Variants in AP3S2 observed in about 807,000 individuals in gnomAD.
AP3S2 encodes the protein AP-3 complex subunit sigma-2.
Under a neutral mutation model 23.4 loss-of-function variants are expected in AP3S2, and 22 were observed. The ratio of observed to expected loss-of-function variants is 0.94; its 90% confidence interval spans 0.67 to 1.34. AP3S2 has a LOEUF of 1.34. Ranked by LOEUF, AP3S2 falls within the 40% of genes most tolerant of loss-of-function variation. AP3S2 has a pLI of 0.00. For synonymous variants in AP3S2, 86 were observed against 87.1 expected (o/e 0.99, Z 0.07); for missense variants, 241 against 236.9 (o/e 1.02, Z -0.11).
intron 4 of AP3S2, among the ~76,000 whole-genome samples, chr15:89,855,144 A>T (rs1447917874): frequency 8.1e-6 from 1 of 123,060 alleles, no homozygotes; most frequent in Non-Finnish European, 1.7e-5. Context: ...GTGTAGAAAG[A>T]AGTAGACATG....
At chr15:89,893,514 C>T (rs562725206) in intron 1 of AP3S2, 1 of 400,246 alleles carries the variant, frequency 2.5e-6, no homozygotes, top group Non-Finnish European at 4.4e-6. Context: ...ATTTCTTCCT[C>T]ATGAAACTGT....
intron 4 of AP3S2, among the ~76,000 whole-genome samples, chr15:89,847,072 C>G (rs1464716051): frequency 6.6e-6 from 1 of 152,028 alleles, no homozygotes; most frequent in Non-Finnish European, 1.5e-5. Context: ...CAAAGTTAAC[C>G]TCTGCAGACA....
chr15:89,877,105 T>G, intron 3 of AP3S2: 1 of 356,836 alleles, frequency 2.8e-6, no homozygotes, highest in Non-Finnish European at 5.5e-6. Flanking sequence ...AATTAGTGGG[T>G]ATTAAGAGTG....
In AP3S2 at chr15:89,850,580, T is replaced by C. The variant is rs528957071; in HGVS notation, c.346-12858A>G. 5.2e-5 allele frequency: 8 copies of C among 153,110 alleles called. 1 individual carries two copies. Among genetic ancestry groups the C allele is most frequent in the Non-Finnish European group, 8.8e-5 (6 of 68,044 alleles). 9.5% of individuals were successfully genotyped at this position (153,110 alleles called of 1,614,324 possible). A position where few individuals can be genotyped will look rare whatever the true frequency, so the allele number is the denominator to read the frequency against. ...AGTAGAATTGAGGGCATATTCGTAC[T>C]GTATTTAGAATTTTTCATTTCCTTT... On this transcript the variant is annotated intron_variant, in intron 4 of 5. Coordinates refer to ENST00000336418, the MANE Select transcript of AP3S2 (RefSeq NM_005829.5).
intron 4 of AP3S2, among the ~76,000 whole-genome samples, chr15:89,867,478 C>G (rs1896163511): frequency 1.4e-5 from 2 of 147,458 alleles, no homozygotes; most frequent in Admixed American, 6.7e-5. Context: ...CGCCCATCGT[C>G]TGGGATGTGA....
intron 4 of AP3S2, among the ~76,000 whole-genome samples, chr15:89,843,265 T>A (rs886277140): frequency 1.3e-5 from 2 of 151,038 alleles, no homozygotes; most frequent in Admixed American, 1.3e-4. Context: ...ATTACAAGCA[T>A]GAGCCACTAC....
At position 89,835,123 on chromosome 15, in the gene AP3S2, GA is replaced by G. The variant is rs1470541116; in HGVS notation, c.*391del. 1 of 250,632 alleles carries G rather than the reference GA, an allele frequency of 4.0e-6. No homozygotes were observed. Among genetic ancestry groups the G allele is most frequent in the Non-Finnish European group, 7.6e-6 (1 of 132,322 alleles). The allele number at this position is 250,632 out of a possible 1,614,324, so 15.5% of individuals were successfully genotyped here. A position where few individuals can be genotyped will look rare whatever the true frequency, so the allele number is the denominator to read the frequency against. On this transcript the variant is annotated 3_prime_UTR_variant, in exon 6 of 6. Transcript: ENST00000336418. ...GCTAAGGATGAAGACTCTACTCAGA[GA>G]AGGTGCTCAGCCCTAGTGAGGAGGT...
chr15:89,867,735 C>T (rs1411018192), intron 4 of AP3S2, among the ~76,000 whole-genome samples: 1 of 139,112 alleles, frequency 7.2e-6, no homozygotes, highest in Non-Finnish European at 1.6e-5. Context: ...GCGTCTCTGC[C>T]CGGCCGCCCT....
At chr15:89,844,253 TTCTTTCTTTCTTTCTTTCTC>T (rs200408719) in intron 4 of AP3S2, among the ~76,000 whole-genome samples, 9,841 of 52,374 alleles carry the variant, frequency 0.19, 540 homozygotes, top group East Asian at 0.26. Flanking sequence ...CTTTCTTTCT[TTCTTTCTTTCTTTCTTTCTC>T]TCTCTCTCTC....
intron 1 of AP3S2, 107 bp downstream of exon 1, chr15:89,893,774 A>T (rs531622779): frequency 1.8e-6 from 2 of 1,103,850 alleles, no homozygotes; most frequent in South Asian, 2.8e-5. Context: ...TCGGTGCAGG[A>T]GCCCCAGGTG....
chr15:89,884,670 TAG>T (rs1404932729), intron 3 of AP3S2, among the ~76,000 whole-genome samples: 13 of 150,448 alleles, frequency 8.6e-5, no homozygotes, highest in Non-Finnish European at 1.8e-4. Context: ...TTTTTTGAGA[TAG>T]AGTCTCACTC....
chr15:89,839,187 T>C (rs1412480434), intron 4 of AP3S2, among the ~76,000 whole-genome samples: 1 of 152,206 alleles, frequency 6.6e-6, no homozygotes, highest in Non-Finnish European at 1.5e-5. Flanking sequence ...CTGTCAGCAA[T>C]GCAGAGTCAA....
chr15:89,868,966 C>T (rs1304997945), intron 4 of AP3S2, among the ~76,000 whole-genome samples: 30 of 147,538 alleles, frequency 2.0e-4, no homozygotes, highest in Non-Finnish European at 4.0e-4. Context: ...AGCCCCCTGC[C>T]CGGCCAGCCG....
rs1226688809 is a variant in AP3S2 at position 89,830,700 on chromosome 15, G to A, written c.*4815C>T. ...ACGAGACAAGCCCCTGCCCTGGAGG[G>A]GCTTACATCCCGGCAGGGTAAACAG... On this transcript the variant is annotated 3_prime_UTR_variant, in exon 6 of 6. Coordinates refer to ENST00000336418, the MANE Select transcript of AP3S2 (RefSeq NM_005829.5). 6.6e-6 allele frequency: 1 copy of A among 152,300 alleles called. No homozygotes were observed. The highest frequency in any genetic ancestry group is 2.4e-5 in the African/African-American group (1 of 41,448). 9.4% of individuals were successfully genotyped at this position (152,300 alleles called of 1,614,324 possible). A position where few individuals can be genotyped will look rare whatever the true frequency, so the allele number is the denominator to read the frequency against.
intron 3 of AP3S2, among the ~76,000 whole-genome samples, chr15:89,884,922 C>T (rs1896659789): frequency 6.6e-6 from 1 of 152,172 alleles, no homozygotes; most frequent in Non-Finnish European, 1.5e-5. Flanking sequence ...GCTGGGATCA[C>T]AGGCGTGAGC....
At chr15:89,856,690 A>G (rs1263294541) in intron 4 of AP3S2, among the ~76,000 whole-genome samples, 2 of 120,256 alleles carry the variant, frequency 1.7e-5, no homozygotes, top group Non-Finnish European at 3.3e-5. Flanking sequence ...TGACAGAGTG[A>G]GACTCCATCT....
chr15:89,893,946 T>G lies in AP3S2; in HGVS notation c.4A>C (p.Ile2Leu). 3 of 1,551,486 alleles carry G rather than the reference T, an allele frequency of 1.9e-6. No individual in the cohort carries two copies. Among genetic ancestry groups the G allele is most frequent in the Non-Finnish European group, 2.6e-6 (3 of 1,146,968 alleles). Residue 2 changes from isoleucine to leucine, a missense_variant, in exon 1 of 6, where the codon ATT (isoleucine) becomes CTT (leucine). By Grantham distance (5) the Ile-to-Leu change is conservative. Coordinates refer to ENST00000336418, the MANE Select transcript of AP3S2 (RefSeq NM_005829.5). ...TTGTTGAAAACCAGAATCGCCTGAA[T>G]CATCTTTGCCAGCCACGGTTCTCTC... M[I>L]QAILVFNNHG...
At position 89,835,448 on chromosome 15, in the gene AP3S2, C is replaced by A; in HGVS notation, c.*67G>T. 6.3e-7 allele frequency: 1 copy of A among 1,599,364 alleles called. No individual in the cohort carries two copies. The highest frequency in any genetic ancestry group is 8.5e-7 in the Non-Finnish European group (1 of 1,172,082). On this transcript the variant is annotated 3_prime_UTR_variant, in exon 6 of 6. Coordinates refer to ENST00000336418, the MANE Select transcript of AP3S2 (RefSeq NM_005829.5). ...CTAAGGCTCAAAATGGGTTCTGTTT[C>A]CAGACGTGCTTGCCTTGCTTGTCTT... is the stretch of plus-strand genomic sequence containing the variant.
In AP3S2 at chr15:89,835,165, G is replaced by T; in HGVS notation, c.*350C>A. On this transcript the variant is annotated 3_prime_UTR_variant, in exon 6 of 6. Transcript: ENST00000336418. ...GTGAGGAGGTTCTGGGAAGCAGGTG[G>T]GCCTGCTCAATGCAGTCCCTAACCC... 2.9e-6 allele frequency: 1 copy of T among 341,316 alleles called. No individual in the cohort carries two copies. The allele number at this position is 341,316 out of a possible 1,614,324, so 21.1% of individuals were successfully genotyped here. A position where few individuals can be genotyped will look rare whatever the true frequency, so the allele number is the denominator to read the frequency against.
Sources: allele counts gnomAD v4.1 joint callset (sites outside exome capture counted in the v4.1 genomes callset), GRCh38; gene constraint gnomAD v4.1.1; transcripts MANE v1.5; gene names NCBI Gene and HGNC (gene_info 2026-07-23, HGNC 2026-07-21).